The following DOP1B variants were observed in gnomAD, a reference collection of about 807,000 sequenced individuals.
DOP1B encodes the protein protein DOP1B.
A neutral mutation model predicts 233.5 loss-of-function variants in DOP1B; 174 were observed. That is an observed-to-expected ratio of 0.75 (90% CI 0.66 to 0.85). The LOEUF (loss-of-function observed/expected upper bound fraction) is 0.85. Ranked by LOEUF, DOP1B falls within the 40% of genes least tolerant of loss-of-function variation. DOP1B has a pLI of 0.00. For missense variants in DOP1B, 2,652 were observed against 2,846.6 expected (o/e 0.93, Z 1.56); for synonymous variants, 1,190 against 1,185.6 (o/e 1.00, Z -0.08).
chr21:36,250,520 G>A (rs1010568868), intron 21 of DOP1B, among the ~76,000 whole-genome samples: 1 of 152,212 alleles, frequency 6.6e-6, no homozygotes, highest in Non-Finnish European at 1.5e-5. Context: ...GCCCCAGGCG[G>A]AGAGGATTTA....
rs77458825 is a variant in DOP1B at position 36,236,483 on chromosome 21, C to T, written c.2623-779C>T. On this transcript the variant is annotated intron_variant, in intron 15 of 36. Coordinates refer to ENST00000691173, the MANE Select transcript of DOP1B (RefSeq NM_001320714.2). The stretch of plus-strand genomic sequence containing the variant: ...CCAGAGGTGACCAAGTGCTGTGGAG[C>T]TGAACCCCAGAATGAGTGATCTTGA... 2.8e-3 allele frequency among the ~76,000 whole-genome samples: 426 copies of T among 152,302 alleles called. 2 individuals are homozygous for T. Among genetic ancestry groups the T allele is most frequent in the African/African-American group, 9.9e-3 (411 of 41,562 alleles).
chr21:36,230,479 A>C lies in DOP1B; in HGVS notation c.1695A>C (p.Ile565=). 1 of 1,610,698 alleles carries C rather than the reference A, an allele frequency of 6.2e-7. No individual in the cohort carries two copies. Among genetic ancestry groups the C allele is most frequent in the Non-Finnish European group, 8.5e-7 (1 of 1,177,116 alleles). ...SSPVKGENGK[I]ILETKAVIPG... is the part of the protein sequence containing the mutation. ...CAGTAAAAGGTGAAAACGGCAAAAT[A>C]ATTTTGGAAACAAAGGCAGTGATTC... Residue 565 remains isoleucine, a synonymous_variant, in exon 14 of 37, where the codon ATA becomes ATC. Transcript: ENST00000691173.
chr21:36,245,763 T>C lies in DOP1B; in HGVS notation c.3783T>C (p.Ala1261=). 1 of 1,613,944 alleles carries C rather than the reference T, an allele frequency of 6.2e-7. No homozygotes were observed. Among genetic ancestry groups the C allele is most frequent in the Non-Finnish European group, 8.5e-7 (1 of 1,179,968 alleles). Residue 1261 remains alanine, a synonymous_variant, in exon 19 of 37, where the codon GCT becomes GCC. Transcript: ENST00000691173. The surrounding 1 kb of genome is among the most constrained non-coding windows in gnomAD (Gnocchi z 5.5). ...LKTNPKEFIE[A]VSRTSMDTSS... The stretch of plus-strand genomic sequence containing the variant: ...CCAACCCTAAGGAATTCATCGAGGC[T>C]GTGTCCAGGACTAGCATGGATACCA...
chr21:36,290,587 T>G (rs115116442), intron 35 of DOP1B, among the ~76,000 whole-genome samples: 1,535 of 152,060 alleles, frequency 0.01, 24 homozygotes, highest in African/African-American at 0.035. Flanking sequence ...TCACCTGAGT[T>G]TGGGATCAGC....
chr21:36,201,644 G>A (rs2066368875), intron 4 of DOP1B, among the ~76,000 whole-genome samples: 1 of 151,526 alleles, frequency 6.6e-6, no homozygotes, highest in African/African-American at 2.4e-5. Flanking sequence ...CACCACACAC[G>A]GCTCATATCA....
intron 4 of DOP1B, among the ~76,000 whole-genome samples, chr21:36,207,491 TTTTTTTTG>T (rs569783510): frequency 0.14 from 18,812 of 136,326 alleles, 1,196 homozygotes; most frequent in African/African-American, 0.2. Flanking sequence ...AGCCAAACAG[TTTTTTTTG>T]TTTTTTTTTT....
rs1357211548 is a variant in DOP1B at position 36,237,332 on chromosome 21, T to C, written c.2693T>C (p.Leu898Ser). 6.2e-7 allele frequency: 1 copy of C among 1,614,216 alleles called. No individual in the cohort carries two copies. The highest frequency in any genetic ancestry group is 1.3e-5 in the African/African-American group (1 of 75,060). The change falls in exon 16 of 37, where the codon TTG becomes TCG. Residue 898 changes from leucine (L) to serine (S), a missense_variant. Leu to Ser is a moderately radical substitution (Grantham distance 145). Transcript: ENST00000691173. ...TREHHVTCVE[L>S]FYRLHCLAPT... ...GAGCATCACGTCACCTGCGTAGAAT[T>C]GTTCTACCGGCTGCACTGCCTGGCC...
chr21:36,220,754 C>T (rs1441137313), intron 10 of DOP1B, among the ~76,000 whole-genome samples: 4 of 151,302 alleles, frequency 2.6e-5, no homozygotes. Flanking sequence ...ATCTGCCCAC[C>T]TCAGCTTTTC....
At chr21:36,198,996 C>A in intron 2 of DOP1B, 74 bp from the exon 3 acceptor site, 1 of 1,496,494 alleles carries the variant, frequency 6.7e-7, no homozygotes, top group Non-Finnish European at 9.1e-7. Flanking sequence ...GTCTCTCTGG[C>A]TTCAGCAGAT....
intron 2 of DOP1B, among the ~76,000 whole-genome samples, chr21:36,192,252 G>A (rs1011338609): frequency 2.0e-4 from 31 of 151,810 alleles, no homozygotes; most frequent in African/African-American, 7.3e-4. Context: ...CCAGCTACTC[G>A]AGAAGCTGAG....
At chr21:36,216,670 G>A (rs2066563590) in intron 9 of DOP1B, among the ~76,000 whole-genome samples, 1 of 152,198 alleles carries the variant, frequency 6.6e-6, no homozygotes, top group Non-Finnish European at 1.5e-5. Context: ...GCTTATGTGA[G>A]CCCTATACCA....
chr21:36,176,068 T>C (rs902319217), intron 2 of DOP1B, among the ~76,000 whole-genome samples: 3 of 53,272 alleles, frequency 5.6e-5, no homozygotes, highest in African/African-American at 2.0e-4. Flanking sequence ...AGGAGCCCAG[T>C]GAGGAGCTTC....
chr21:36,226,992 T>G (rs1046987697), intron 12 of DOP1B, among the ~76,000 whole-genome samples: 1 of 151,414 alleles, frequency 6.6e-6, no homozygotes, highest in African/African-American at 2.4e-5. Context: ...GATCACAAGG[T>G]CAGGAGATTG....
In DOP1B at chr21:36,278,228, T is replaced by G. The variant is rs2067376551; in HGVS notation, c.5842T>G (p.Phe1948Val). The G allele has an allele frequency of 6.2e-7, 1 of 1,614,026 alleles. No homozygotes were observed. The highest frequency in any genetic ancestry group is 1.1e-5 in the South Asian group (1 of 91,080). Residue 1948 changes from phenylalanine (F) to valine (V), a missense_variant, in exon 30 of 37, where the codon TTC becomes GTC. Around this residue, in one of 3 missense-constraint regions of DOP1B, gnomAD observed 2,617 missense variants for 2,794.3 expected, o/e 0.94. Transcript: ENST00000691173. ...ACTCAGTGCCTACAATGCTCCCAGCTTCCGGGCTGGCGCTCAGCTGCTGAG... is the reference window on the plus strand; with the variant it reads ...ACTCAGTGCCTACAATGCTCCCAGCGTCCGGGCTGGCGCTCAGCTGCTGAG... The part of the protein sequence containing the change: ...RNHSAYNAPS[F>V]RAGAQLLSSL...
At chr21:36,222,976 G>A (rs112607988) in intron 10 of DOP1B, among the ~76,000 whole-genome samples, 10,747 of 152,130 alleles carry the variant, frequency 0.071, 515 homozygotes, top group African/African-American at 0.13. Context: ...CTCCCAAAGT[G>A]CTGTGATTAC....
intron 7 of DOP1B, among the ~76,000 whole-genome samples, chr21:36,213,845 G>A (rs2066528548): frequency 6.6e-6 from 1 of 151,910 alleles, no homozygotes; most frequent in African/African-American, 2.4e-5. Context: ...CAGCCAACAG[G>A]GTGAATTCTT....
chr21:36,227,501 C>T lies in DOP1B; in HGVS notation c.1474-185C>T, dbSNP rs368792869. 1.1e-4 allele frequency among the ~76,000 whole-genome samples: 17 copies of T among 151,514 alleles called. No individual in the cohort carries two copies. The South Asian group carries it at 1.7e-3, about 15-fold the overall frequency. On this transcript the variant is annotated intron_variant, in intron 12 of 36. Coordinates refer to ENST00000691173, the MANE Select transcript of DOP1B (RefSeq NM_001320714.2). Reference sequence around the variant, plus strand: ...GGCTGAGCTTGCAGTGAGCCGAGATCGCGACACTGCACTCCAGCCTGGGCT... The same window carrying T: ...GGCTGAGCTTGCAGTGAGCCGAGATTGCGACACTGCACTCCAGCCTGGGCT...
chr21:36,172,995 C>G (rs1171091551), intron 2 of DOP1B, among the ~76,000 whole-genome samples: 1 of 152,102 alleles, frequency 6.6e-6, no homozygotes, highest in African/African-American at 2.4e-5. Flanking sequence ...TGGCGAATGC[C>G]TGTAGTCCCA....
At position 36,288,033 on chromosome 21, in the gene DOP1B, C is replaced by A; in HGVS notation, c.6180C>A (p.Leu2060=). 2 of 1,613,472 alleles carry A rather than the reference C, an allele frequency of 1.2e-6. No individual in the cohort carries two copies. The highest frequency in any genetic ancestry group is 1.7e-6 in the Non-Finnish European group (2 of 1,179,878). The change falls in exon 33 of 37, where the codon CTC becomes CTA. Residue 2060 remains leucine, a synonymous_variant. Coordinates refer to ENST00000691173, the MANE Select transcript of DOP1B (RefSeq NM_001320714.2). The stretch of plus-strand genomic sequence containing the variant: ...CCTTAGAACGCCTGACAGACAATCT[C>A]AGAGTTGGACAGACATCCATAGTTG... ...PLIQERLTDN[L]RVGQTSIVAA...
Sources: gnomAD v4.1 joint callset for allele counts (sites outside exome capture counted in the v4.1 genomes callset) on GRCh38, gnomAD v4.1.1 for gene constraint, gnomAD v4.1.1 regional missense constraint, Gnocchi (gnomAD v3.1) non-coding constraint, MANE v1.5 for transcripts, NCBI Gene and HGNC (gene_info 2026-07-23, HGNC 2026-07-21) for gene names.